The following CDKN3 variants were observed in gnomAD, a reference collection of about 807,000 sequenced individuals.
CDKN3 encodes the protein cyclin dependent kinase inhibitor 3, also known as cyclin-dependent kinase inhibitor 3.
In CDKN3, 19 loss-of-function variants were observed where a neutral mutation model predicts 36.1. The ratio of observed to expected loss-of-function variants is 0.53; its 90% CI spans 0.37 to 0.77. The LOEUF (loss-of-function observed/expected upper bound fraction) is 0.77. Ranked by LOEUF, CDKN3 falls within the 30% of genes least tolerant of loss-of-function variation. The pLI, the probability that CDKN3 is intolerant of heterozygous loss-of-function variation, is 0.00. For missense variants in CDKN3, 188 were observed against 248.6 expected, an observed-to-expected ratio of 0.76 and a Z score of 1.64; for synonymous variants, 71 against 85.3, an observed-to-expected ratio of 0.83 and a Z score of 0.92.
chr14:54,413,663 G>A (rs756921382), intron 5 of CDKN3: 4 of 1,535,314 alleles, frequency 2.6e-6, no homozygotes, highest in Non-Finnish European at 3.5e-6. Flanking sequence ...TGCCATCTTT[G>A]AGGACCCACA....
chr14:54,419,140 A>G (rs1340100002), intron 7 of CDKN3, among the ~76,000 whole-genome samples: 1 of 152,038 alleles, frequency 6.6e-6, no homozygotes, highest in Non-Finnish European at 1.5e-5. Context: ...CCTGGGCGAC[A>G]AAGTGAGACC....
chr14:54,417,825 A>AT (rs1405539427), intron 6 of CDKN3, 23 bp from the exon 7 acceptor site: 1 of 1,329,366 alleles, frequency 7.5e-7, no homozygotes, highest in East Asian at 2.4e-5. Context: ...ATAACATATT[A>AT]TTTTTCTGTC....
At chr14:54,410,722 C>G (rs2030318916) in intron 4 of CDKN3, among the ~76,000 whole-genome samples, 1 of 152,036 alleles carries the variant, frequency 6.6e-6, no homozygotes, top group Non-Finnish European at 1.5e-5. Flanking sequence ...GTCAAGCAAA[C>G]AGCTAAGTGA....
intron 5 of CDKN3, chr14:54,413,980 C>T: frequency 3.5e-6 from 1 of 286,478 alleles, no homozygotes; most frequent in Non-Finnish European, 5.9e-6. Flanking sequence ...TCCTTCCATG[C>T]CTCTTCCTAG....
Position 54,420,062 on chromosome 14 carries a change from G to C in CDKN3, c.623G>C (p.Arg208Thr), listed in dbSNP as rs573102470. 6.3e-7 allele frequency: 1 copy of C among 1,594,856 alleles called. No individual in the cohort carries two copies. Among genetic ancestry groups the C allele is most frequent in the South Asian group, 1.1e-5 (1 of 90,614 alleles). The change falls in exon 8 of 8, where the codon AGA becomes ACA. Residue 208 changes from arginine to threonine, a missense_variant. Transcript: ENST00000335183. ...CTATCATCAAGAGATTCACAATCAAGATCTGTATCAAGATAAAGGAATTCA... is the reference window on the plus strand; with the variant it reads ...CTATCATCAAGAGATTCACAATCAACATCTGTATCAAGATAAAGGAATTCA... ...AHLSSRDSQS[R>T]SVSR
At chr14:54,413,167 C>T (rs2030417827) in intron 5 of CDKN3, among the ~76,000 whole-genome samples, 2 of 152,186 alleles carry the variant, frequency 1.3e-5, no homozygotes, top group South Asian at 4.1e-4. Context: ...TATTGTTTCC[C>T]ATCTTCCTCT....
intron 5 of CDKN3, among the ~76,000 whole-genome samples, chr14:54,415,418 T>G (rs1365135950): frequency 6.6e-6 from 1 of 152,246 alleles, no homozygotes; most frequent in African/African-American, 2.4e-5. Context: ...ATCTAATAAG[T>G]GGCAGAGCCA....
intron 7 of CDKN3, among the ~76,000 whole-genome samples, chr14:54,419,276 T>G (rs947686858): frequency 1.8e-4 from 28 of 152,250 alleles, no homozygotes; most frequent in Admixed American, 1.8e-3. Flanking sequence ...TTTTACATCT[T>G]TAACATTGCA....
intron 7 of CDKN3, among the ~76,000 whole-genome samples, chr14:54,419,790 A>G (rs2030667438): frequency 6.6e-6 from 1 of 152,220 alleles, no homozygotes; most frequent in South Asian, 2.1e-4. Flanking sequence ...ATTTTTAGAG[A>G]CTTGTAGAAC....
Position 54,420,101 on chromosome 14 carries a change from T to G in CDKN3, c.*23T>G, listed in dbSNP as rs755608780. The stretch of plus-strand genomic sequence containing the variant: ...TAAAGGAATTCAAATAGCATATATA[T>G]GACCATGTCTGAAATGTCAGTTCTC... On this transcript the variant is annotated 3_prime_UTR_variant, in exon 8 of 8. Transcript: ENST00000335183. 9 of 1,301,148 alleles carry G rather than the reference T, an allele frequency of 6.9e-6. No individual in the cohort carries two copies. In the South Asian group the frequency reaches 1.1e-4, roughly 16 times the overall value. 80.6% of individuals were successfully genotyped at this position (1,301,148 alleles called of 1,614,324 possible).
intron 4 of CDKN3, among the ~76,000 whole-genome samples, chr14:54,410,930 G>A (rs891061559): frequency 6.6e-6 from 1 of 152,114 alleles, no homozygotes; most frequent in Non-Finnish European, 1.5e-5. Context: ...TGTAATCCCA[G>A]CACTTTGGGA....
At chr14:54,397,138 G>A in intron 1 of CDKN3, 61 bp downstream of exon 1, 1 of 1,424,678 alleles carries the variant, frequency 7.0e-7, no homozygotes. Flanking sequence ...CGGTCCCGGG[G>A]ACCCGATCCT....
At chr14:54,404,427 T>C (rs2030074465) in intron 3 of CDKN3, among the ~76,000 whole-genome samples, 1 of 152,192 alleles carries the variant, frequency 6.6e-6, no homozygotes, top group Admixed American at 6.5e-5. Flanking sequence ...TGTGTCTATT[T>C]GATTCTTCTC....
intron 3 of CDKN3, among the ~76,000 whole-genome samples, chr14:54,407,544 A>G (rs2030203572): frequency 6.6e-6 from 1 of 152,220 alleles, no homozygotes; most frequent in African/African-American, 2.4e-5. Context: ...TGCCCTGCCC[A>G]GAGTGGAGGA....
chr14:54,414,828 C>T lies in CDKN3; in HGVS notation c.417-1071C>T, dbSNP rs1470716815. Among the ~76,000 whole-genome samples the T allele has an allele frequency of 2.0e-5, 3 of 151,208 alleles. No homozygotes were observed. The East Asian group carries it at 5.9e-4, about 30-fold the overall frequency. On this transcript the variant is annotated intron_variant, in intron 5 of 7. Coordinates refer to ENST00000335183, the MANE Select transcript of CDKN3 (RefSeq NM_005192.4). The stretch of plus-strand genomic sequence containing the variant: ...CCTCCCAAAGTGCTGGGATTATAGG[C>T]CTGAGCCATCATGCCCAGCCTCTCC...
rs779801913 is a variant in CDKN3 at position 54,411,507 on chromosome 14, C to T, written c.217C>T (p.Gln73Ter). Residue 73 changes from glutamine to a stop codon, truncating the protein, a stop_gained, in exon 5 of 8, where the codon CAA becomes TAA. Coordinates refer to ENST00000335183, the MANE Select transcript of CDKN3 (RefSeq NM_005192.4). LOFTEE classifies it high-confidence loss of function. ...DTEELKSCGI[Q>*]DIFVFCTRGE... ...AGAAGAACTAAAGAGCTGTGGTATA[C>T]AAGACATATTTGTTTTCTGCACCAG... 3 of 1,613,642 alleles carry T rather than the reference C, an allele frequency of 1.9e-6. No individual in the cohort carries two copies. The highest frequency in any genetic ancestry group is 1.1e-5 in the South Asian group (1 of 91,082).
intron 1 of CDKN3, 91 bp downstream of exon 1, chr14:54,397,168 G>A: frequency 7.5e-7 from 1 of 1,330,596 alleles, no homozygotes; most frequent in Non-Finnish European, 9.8e-7. Flanking sequence ...GGCAGCCCTA[G>A]CCTGGTAGCA....
At chr14:54,409,134 G>A (rs993449213) in intron 4 of CDKN3, among the ~76,000 whole-genome samples, 8 of 152,106 alleles carry the variant, frequency 5.3e-5, no homozygotes, top group Non-Finnish European at 7.4e-5. Context: ...AGACTTGACT[G>A]TGGTAGTAGA....
At chr14:54,400,462 A>G (rs986153380) in intron 2 of CDKN3, among the ~76,000 whole-genome samples, 4 of 152,340 alleles carry the variant, frequency 2.6e-5, no homozygotes, top group African/African-American at 9.6e-5. Context: ...TGCATCTATC[A>G]ACAGACTCTG....
Sources: gnomAD v4.1 joint callset for allele counts (sites outside exome capture counted in the v4.1 genomes callset) on GRCh38, gnomAD v4.1.1 for gene constraint, MANE v1.5 for transcripts, NCBI Gene and HGNC (gene_info 2026-07-23, HGNC 2026-07-21) for gene names.